Variants in PHF21B observed in about 807,000 individuals in gnomAD.
PHF21B encodes the protein PHD finger protein 21B.
PHF21B carries 22 observed loss-of-function variants against 62.2 expected under a neutral mutation model. The observed-to-expected ratio is 0.35, with a 90% CI of 0.25 to 0.51. PHF21B has a LOEUF of 0.51. Ranked by LOEUF, PHF21B falls within the 20% of genes least tolerant of loss-of-function variation. The probability of loss-of-function intolerance (pLI) is 0.97; values close to 1 mark genes in which losing one functional copy is unlikely to be tolerated. For missense variants in PHF21B, 701 were observed against 707.9 expected (o/e 0.99, Z 0.11); for synonymous variants, 341 against 314.7 (o/e 1.08, Z -0.88).
intron 2 of PHF21B, among the ~76,000 whole-genome samples, chr22:44,978,670 T>C (rs184942326): frequency 2.2e-4 from 33 of 152,310 alleles, no homozygotes; most frequent in Non-Finnish European, 4.0e-4. Context: ...CCCTGTGGTT[T>C]TCATCAGCAT....
rs1182754540 is a variant in PHF21B, at chr22:45,009,088, C to A, written c.54+408G>T. On this transcript the variant is annotated intron_variant, in intron 1 of 12. Transcript: ENST00000313237. The surrounding 1 kb of genome is among the most constrained non-coding windows in gnomAD (Gnocchi z 5.9). ...CACGCCGCCGCTCGCCAGCAGCGAT[C>A]GCCAAAACTACTTCTGCACACCGGG... 4.7e-6 allele frequency: 5 copies of A among 1,064,284 alleles called. No individual in the cohort carries two copies. Among genetic ancestry groups the A allele is most frequent in the Admixed American group, 9.7e-5 (2 of 20,652 alleles). 65.9% of individuals were successfully genotyped at this position (1,064,284 alleles called of 1,614,324 possible).
intron 2 of PHF21B, among the ~76,000 whole-genome samples, chr22:44,934,537 G>A (rs1251532958): frequency 1.3e-5 from 2 of 152,134 alleles, no homozygotes; most frequent in Non-Finnish European, 2.9e-5. Context: ...CCCCTGCCAG[G>A]GCGTCAGGTC....
intron 2 of PHF21B, among the ~76,000 whole-genome samples, chr22:44,951,962 G>A (rs150510488): frequency 5.9e-5 from 9 of 152,314 alleles, no homozygotes; most frequent in Admixed American, 2.0e-4. Context: ...GAGTAACAGT[G>A]GTTATGATGA....
At chr22:44,883,725 G>A (rs967867561) in intron 12 of PHF21B, among the ~76,000 whole-genome samples, 2 of 152,084 alleles carry the variant, frequency 1.3e-5, no homozygotes, top group African/African-American at 2.4e-5. Flanking sequence ...ACGCACCACC[G>A]CAACAAGGAA....
chr22:44,933,944 T>G (rs946766474), intron 2 of PHF21B, among the ~76,000 whole-genome samples: 3 of 152,220 alleles, frequency 2.0e-5, no homozygotes, highest in African/African-American at 4.8e-5. Flanking sequence ...CCTTGTCTAT[T>G]TACTGAGATC....
At chr22:44,986,143 CCAA>C (rs1036495534) in intron 2 of PHF21B, among the ~76,000 whole-genome samples, 42 of 150,056 alleles carry the variant, frequency 2.8e-4, no homozygotes, top group African/African-American at 9.1e-4. Flanking sequence ...AGCAGCACCA[CCAA>C]CACCATGAGC....
At chr22:44,920,990 T>G (rs1274744030) in intron 2 of PHF21B, among the ~76,000 whole-genome samples, 5 of 152,224 alleles carry the variant, frequency 3.3e-5, no homozygotes, top group Non-Finnish European at 7.3e-5. Context: ...GATAAATCCA[T>G]TTCCACATCA....
chr22:44,887,703 C>T (rs1161498176), intron 10 of PHF21B, among the ~76,000 whole-genome samples: 1 of 146,540 alleles, frequency 6.8e-6, no homozygotes, highest in South Asian at 2.2e-4. Context: ...TGCAATGACC[C>T]GAGACTGTGC....
At chr22:45,004,439 G>A (rs2073277040) in intron 2 of PHF21B, among the ~76,000 whole-genome samples, 1 of 152,142 alleles carries the variant, frequency 6.6e-6, no homozygotes, top group South Asian at 2.1e-4. Context: ...GGCTAACCAG[G>A]GGTGAAACCG....
chr22:44,924,574 T>C (rs2071596902), intron 2 of PHF21B, among the ~76,000 whole-genome samples: 1 of 152,008 alleles, frequency 6.6e-6, no homozygotes, highest in African/African-American at 2.4e-5. Context: ...TCTCATTCTC[T>C]TTCTCTCTCT....
intron 2 of PHF21B, among the ~76,000 whole-genome samples, chr22:44,934,355 G>A (rs6007391): frequency 0.6 from 90,718 of 152,094 alleles, 29,160 homozygotes; most frequent in Admixed American, 0.7. Flanking sequence ...ATAGAGGAGC[G>A]ATGACATCAT....
In PHF21B at chr22:44,895,048, C is replaced by T. The variant is rs145985502; in HGVS notation, c.883+984G>A. On this transcript the variant is annotated intron_variant, in intron 6 of 12. Transcript: ENST00000313237. ...TCCCTCTTGCTTTGAAGAAGAGGAA[C>T]GCTAGGCGAACCTTCCCGCATCCAG... Among the ~76,000 whole-genome samples, 921 of 152,332 alleles carry T rather than the reference C, an allele frequency of 6.0e-3. 5 individuals carry two copies. The highest frequency in any genetic ancestry group is 0.021 in the African/African-American group (866 of 41,578).
intron 5 of PHF21B, among the ~76,000 whole-genome samples, chr22:44,897,210 T>C (rs887090780): frequency 6.6e-6 from 1 of 152,092 alleles, no homozygotes; most frequent in East Asian, 1.9e-4. Context: ...CATGACACTG[T>C]ATTGTCTACA....
chr22:44,934,976 AGAG>A (rs150959566), intron 2 of PHF21B, among the ~76,000 whole-genome samples: 125 of 152,230 alleles, frequency 8.2e-4, no homozygotes, highest in African/African-American at 2.8e-3. Context: ...TAGGCTTTGG[AGAG>A]GAGGACAGTC....
At chr22:44,898,952 C>G (rs2071107545) in intron 5 of PHF21B, among the ~76,000 whole-genome samples, 1 of 152,102 alleles carries the variant, frequency 6.6e-6, no homozygotes, top group Non-Finnish European at 1.5e-5. Context: ...TATCATAGAT[C>G]TATTTGGGTC....
Position 44,882,575 on chromosome 22 carries a change from T to C in PHF21B, c.*511A>G, listed in dbSNP as rs1001440867. ...ACCCCAGGGGGACCTCCTAGGAGCG[T>C]GGGGCATTGAGGAACTACCTAGATC... is the stretch of plus-strand genomic sequence containing the variant. On this transcript the variant is annotated 3_prime_UTR_variant, in exon 13 of 13. Transcript: ENST00000313237. 2.7e-5 allele frequency: 3 copies of C among 110,674 alleles called. No homozygotes were observed. Among genetic ancestry groups the C allele is most frequent in the African/African-American group, 7.1e-5 (2 of 28,196 alleles). The allele number at this position is 110,674 out of a possible 1,614,324, so 6.9% of individuals were successfully genotyped here. A position where few individuals can be genotyped will look rare whatever the true frequency, so the allele number is the denominator to read the frequency against.
At chr22:44,903,750 G>A (rs900452778) in intron 5 of PHF21B, among the ~76,000 whole-genome samples, 3 of 152,296 alleles carry the variant, frequency 2.0e-5, no homozygotes, top group Middle Eastern at 3.4e-3. Flanking sequence ...ACTTAAGTTC[G>A]TGACTGTTAA....
chr22:44,894,084 GC>G (rs2071015576), intron 6 of PHF21B, among the ~76,000 whole-genome samples: 1 of 152,336 alleles, frequency 6.6e-6, no homozygotes. Context: ...CCCATGACCT[GC>G]CTCTCTGTGT....
chr22:44,945,204 CTG>C (rs1051224344), intron 2 of PHF21B, among the ~76,000 whole-genome samples: 4 of 152,226 alleles, frequency 2.6e-5, no homozygotes, highest in Non-Finnish European at 4.4e-5. Context: ...TCAGGTGTGA[CTG>C]TGTTACCATC....
Sources: gnomAD v4.1 joint callset for allele counts (sites outside exome capture counted in the v4.1 genomes callset) on GRCh38, gnomAD v4.1.1 for gene constraint, Gnocchi (gnomAD v3.1) non-coding constraint, MANE v1.5 for transcripts, NCBI Gene and HGNC (gene_info 2026-07-23, HGNC 2026-07-21) for gene names.